Variants in CDH18 observed in about 807,000 individuals in gnomAD.
The protein encoded by CDH18 is cadherin-18.
A neutral mutation model predicts 67.9 loss-of-function variants in CDH18; 31 were observed. The ratio of observed to expected loss-of-function variants is 0.46; its 90% confidence interval spans 0.34 to 0.62. The LOEUF (loss-of-function observed/expected upper bound fraction) is 0.62. Among genes scored for constraint, CDH18 ranks in the 20% least tolerant of loss-of-function variants. The pLI, the probability that CDH18 is intolerant of heterozygous loss-of-function variation, is 0.01. For synonymous variants in CDH18, 362 were observed against 347.2 expected (o/e 1.04, Z -0.48); for missense variants, 890 against 975.5 (o/e 0.91, Z 1.17).
At chr5:19,507,143 C>T (rs1405705342) in intron 10 of CDH18, among the ~76,000 whole-genome samples, 1 of 152,126 alleles carries the variant, frequency 6.6e-6, no homozygotes, top group Non-Finnish European at 1.5e-5. Flanking sequence ...AGCCAAAAGA[C>T]ACATGAAAAA....
At chr5:19,980,156 C>G (rs1798890772) in intron 2 of CDH18, among the ~76,000 whole-genome samples, 1 of 152,076 alleles carries the variant, frequency 6.6e-6, no homozygotes, top group South Asian at 2.1e-4. Flanking sequence ...CTTCTATACA[C>G]CAACAGCGAC....
chr5:20,244,677 T>C (rs1743238809), intron 2 of CDH18, among the ~76,000 whole-genome samples: 2 of 152,132 alleles, frequency 1.3e-5, no homozygotes, highest in African/African-American at 4.8e-5. Context: ...GTTGAAAATA[T>C]TACATGTTGT....
chr5:19,707,468 A>AC (rs1368064609), intron 5 of CDH18, among the ~76,000 whole-genome samples: 2 of 151,652 alleles, frequency 1.3e-5, no homozygotes, highest in Non-Finnish European at 2.9e-5. Flanking sequence ...ACTTGGCTGG[A>AC]CCCCCCAGTG....
chr5:20,454,986 C>T (rs749490634), intron 1 of CDH18, among the ~76,000 whole-genome samples: 6 of 151,482 alleles, frequency 4.0e-5, no homozygotes, highest in Non-Finnish European at 8.8e-5. Context: ...TTGGAATAGC[C>T]AGGAAGAACA....
chr5:20,294,223 C>T (rs1460258139), intron 1 of CDH18, among the ~76,000 whole-genome samples: 1 of 152,148 alleles, frequency 6.6e-6, no homozygotes, highest in East Asian at 1.9e-4. Flanking sequence ...AAAGTAGTTA[C>T]TTTGTTTAAT....
At chr5:20,083,806 T>C (rs1050123265) in intron 2 of CDH18, among the ~76,000 whole-genome samples, 1 of 152,154 alleles carries the variant, frequency 6.6e-6, no homozygotes, top group African/African-American at 2.4e-5. Context: ...GGAACTCCTA[T>C]TTTTAAAACC....
chr5:20,325,983 T>C (rs1738537282), intron 1 of CDH18, among the ~76,000 whole-genome samples: 1 of 152,204 alleles, frequency 6.6e-6, no homozygotes. Context: ...GAGCCTCTTC[T>C]TAGTCTTCAT....
At chr5:20,259,282 T>A (rs1014219630) in intron 1 of CDH18, among the ~76,000 whole-genome samples, 1 of 152,204 alleles carries the variant, frequency 6.6e-6, no homozygotes, top group African/African-American at 2.4e-5. Context: ...TGCTATGCAG[T>A]AAAAGAATAT....
chr5:19,934,343 T>G (rs547239056), intron 2 of CDH18, among the ~76,000 whole-genome samples: 1 of 151,570 alleles, frequency 6.6e-6, no homozygotes, highest in African/African-American at 2.4e-5. Context: ...AACTGTCAAT[T>G]GCATTTCAGA....
At chr5:20,121,261 A>C (rs1289546121) in intron 2 of CDH18, among the ~76,000 whole-genome samples, 2 of 152,230 alleles carry the variant, frequency 1.3e-5, no homozygotes, top group Non-Finnish European at 2.9e-5. Context: ...ACTTGATTTA[A>C]TTTGTAAGTT....
intron 1 of CDH18, among the ~76,000 whole-genome samples, chr5:20,312,606 C>T (rs1580727738): frequency 7.1e-6 from 1 of 141,150 alleles, no homozygotes; most frequent in Non-Finnish European, 1.5e-5. Flanking sequence ...CACATTTTAG[C>T]CCTTCCTTGA....
At chr5:19,685,597 G>T (rs1760978155) in intron 5 of CDH18, among the ~76,000 whole-genome samples, 1 of 152,086 alleles carries the variant, frequency 6.6e-6, no homozygotes, top group Non-Finnish European at 1.5e-5. Flanking sequence ...GCATCCTCAG[G>T]ATGGCCACAT....
chr5:20,017,955 C>CAT (rs1323460493), intron 2 of CDH18, among the ~76,000 whole-genome samples: 1 of 151,956 alleles, frequency 6.6e-6, no homozygotes, highest in Non-Finnish European at 1.5e-5. Flanking sequence ...AAAATATTGA[C>CAT]ATAAGGATTC....
rs968180166 is a variant in CDH18, at chr5:19,472,671, T to C, written c.*555A>G. Among the ~76,000 whole-genome samples, 6 of 152,032 alleles carry C rather than the reference T, an allele frequency of 3.9e-5. No individual in the cohort carries two copies. Among genetic ancestry groups the C allele is most frequent in the African/African-American group, 1.4e-4 (6 of 41,420 alleles). On this transcript the variant is annotated 3_prime_UTR_variant, in exon 13 of 13. Coordinates refer to ENST00000382275, the MANE Select transcript of CDH18 (RefSeq NM_004934.5). ...AACTGGGGAGGGCAAAGGGAAATGG[T>C]ACATACAAGTCCATGATAGAGTGGA...
chr5:20,573,169 A>G (rs2126676499), intron 1 of CDH18, among the ~76,000 whole-genome samples: 1 of 152,238 alleles, frequency 6.6e-6, no homozygotes, highest in East Asian at 1.9e-4. Context: ...TCAAAGTAAT[A>G]TTGAGTATAA....
chr5:19,972,827 T>C (rs1023742427), intron 2 of CDH18, among the ~76,000 whole-genome samples: 2 of 152,006 alleles, frequency 1.3e-5, no homozygotes, highest in Non-Finnish European at 2.9e-5. Flanking sequence ...TACAAGACTG[T>C]TCACAGTTAT....
chr5:20,284,122 C>T (rs1298737961), intron 1 of CDH18, among the ~76,000 whole-genome samples: 1 of 151,620 alleles, frequency 6.6e-6, no homozygotes, highest in African/African-American at 2.4e-5. Flanking sequence ...GGGGAGTGGG[C>T]CAGGGAGAAG....
chr5:19,637,540 T>A (rs1045593779), intron 5 of CDH18, among the ~76,000 whole-genome samples: 1 of 152,182 alleles, frequency 6.6e-6, no homozygotes, highest in Admixed American at 6.5e-5. Flanking sequence ...AACTAGCCAA[T>A]GATTTTGGGC....
chr5:20,194,878 C>A (rs1048827985), intron 2 of CDH18, among the ~76,000 whole-genome samples: 2 of 151,978 alleles, frequency 1.3e-5, no homozygotes, highest in Non-Finnish European at 2.9e-5. Context: ...TAACTTCAAG[C>A]TTGATTTGCT....
Sources: gnomAD v4.1 joint callset for allele counts (sites outside exome capture counted in the v4.1 genomes callset) on GRCh38, gnomAD v4.1.1 for gene constraint, MANE v1.5 for transcripts, NCBI Gene and HGNC (gene_info 2026-07-23, HGNC 2026-07-21) for gene names.